SHISAL2B: variants seen among roughly 807,000 people sequenced by gnomAD.
The protein encoded by SHISAL2B is protein shisa-like-2B.
SHISAL2B carries 12 observed loss-of-function variants against 16.5 expected under a neutral mutation model. The ratio of observed to expected loss-of-function variants is 0.73; its 90% CI spans 0.47 to 1.18. The LOEUF (loss-of-function observed/expected upper bound fraction) is 1.18. SHISAL2B is among the 50% of genes most tolerant of loss of function. The probability of loss-of-function intolerance (pLI) is 0.00; values close to 1 mark genes in which losing one functional copy is unlikely to be tolerated. For missense variants in SHISAL2B, 183 were observed against 193.6 expected (o/e 0.95, Z 0.33); for synonymous variants, 72 against 75.0 (o/e 0.96, Z 0.21).
intron 2 of SHISAL2B, among the ~76,000 whole-genome samples, chr5:64,713,552 C>A (rs1448857570): frequency 1.9e-5 from 2 of 106,884 alleles, no homozygotes; most frequent in Non-Finnish European, 3.5e-5. Context: ...ATCTTTGTGG[C>A]ATTCTCTGTA....
intron 1 of SHISAL2B, 46 bp downstream of exon 1, chr5:64,690,860 T>A (rs1487200619): frequency 6.9e-7 from 1 of 1,440,650 alleles, no homozygotes; most frequent in South Asian, 1.4e-5. Flanking sequence ...AGCCCGGGGC[T>A]AGGGAGGCGA....
rs1233426285 is a variant in SHISAL2B, at chr5:64,697,704, T to C, written c.349+2040T>C. ...AGAATATAAATTTAGGATTTATGTATGTATTTAGAATGACACACAAGTGCT... is the reference window on the plus strand; with the variant it reads ...AGAATATAAATTTAGGATTTATGTACGTATTTAGAATGACACACAAGTGCT... On this transcript the variant is annotated intron_variant, in intron 2 of 2. Transcript: ENST00000389074. Among the ~76,000 whole-genome samples, 4 of 152,192 alleles carry C rather than the reference T, an allele frequency of 2.6e-5. No homozygotes were observed. The East Asian group carries it at 7.7e-4, about 29-fold the overall frequency.
At chr5:64,701,722 A>C (rs1443782420) in intron 2 of SHISAL2B, among the ~76,000 whole-genome samples, 1 of 152,220 alleles carries the variant, frequency 6.6e-6, no homozygotes, top group Non-Finnish European at 1.5e-5. Context: ...GAAAAAGGGT[A>C]AGTAAATTAG....
chr5:64,694,931 T>C (rs1741710689), intron 1 of SHISAL2B, among the ~76,000 whole-genome samples: 1 of 152,198 alleles, frequency 6.6e-6, no homozygotes, highest in African/African-American at 2.4e-5. Flanking sequence ...ATGTGACCTT[T>C]AACCTATAAT....
intron 2 of SHISAL2B, among the ~76,000 whole-genome samples, chr5:64,706,802 CTTAAG>C (rs1275920614): frequency 1.3e-5 from 2 of 152,124 alleles, no homozygotes; most frequent in Non-Finnish European, 2.9e-5. Context: ...TCTTCTAAAG[CTTAAG>C]TTGTCTAGCT....
intron 2 of SHISAL2B, among the ~76,000 whole-genome samples, chr5:64,704,568 T>G (rs1489320390): frequency 6.6e-6 from 1 of 152,208 alleles, no homozygotes; most frequent in African/African-American, 2.4e-5. Flanking sequence ...AGGAAAGAAC[T>G]GTGATGTCGA....
At chr5:64,714,655 A>G (rs1742015275) in intron 2 of SHISAL2B, among the ~76,000 whole-genome samples, 1 of 152,064 alleles carries the variant, frequency 6.6e-6, no homozygotes. Flanking sequence ...GCCGCCTTGC[A>G]GTTTGATCTC....
chr5:64,710,064 G>T (rs1306743073), intron 2 of SHISAL2B, among the ~76,000 whole-genome samples: 30 of 147,400 alleles, frequency 2.0e-4, no homozygotes, highest in African/African-American at 3.3e-4. Flanking sequence ...GTCAATTTTG[G>T]CTTTTGTTGC....
chr5:64,716,261 CTAAA>C (rs1460363274), intron 2 of SHISAL2B, among the ~76,000 whole-genome samples: 1 of 152,182 alleles, frequency 6.6e-6, no homozygotes, highest in Non-Finnish European at 1.5e-5. Flanking sequence ...ATTATTTGCT[CTAAA>C]TATTTTTTGC....
rs541216097 is a variant in SHISAL2B, at chr5:64,690,869, G to C, written c.191+55G>C. 5.7e-6 allele frequency: 8 copies of C among 1,414,348 alleles called. No homozygotes were observed. In the Admixed American group the frequency reaches 7.4e-5, roughly 13 times the overall value. The allele number at this position is 1,414,348 out of a possible 1,614,324, so 87.6% of individuals were successfully genotyped here. On this transcript the variant is annotated intron_variant, in intron 1 of 2. Coordinates refer to ENST00000389074, the MANE Select transcript of SHISAL2B (RefSeq NM_001164442.2). ...TGGCCGAGCCCGGGGCTAGGGAGGC[G>C]ACAAGCGGAGCCACGCCAGGGCCAG...
chr5:64,713,095 G>A (rs1182789868), intron 2 of SHISAL2B, among the ~76,000 whole-genome samples: 1 of 144,864 alleles, frequency 6.9e-6, no homozygotes, highest in Non-Finnish European at 1.5e-5. Flanking sequence ...ATGTTAGCTG[G>A]TGATTTTGCT....
rs576944799 is a variant in SHISAL2B, at chr5:64,690,693, T to A, written c.70T>A (p.Cys24Ser). 3.7e-5 allele frequency: 57 copies of A among 1,535,088 alleles called. No individual in the cohort carries two copies. The African/African-American group carries it at 7.4e-4, about 20-fold the overall frequency. ...CCAGAGCTTCGTGGAGCCCTTCCAG[T>A]GCCCCCGGCGCGGCGAGGGGGCAGC... ...LNQSFVEPFQ[C>S]PRRGEGAALQ... The change falls in exon 1 of 3, where the codon TGC (cysteine) becomes AGC (serine). Residue 24 changes from cysteine (C) to serine (S), a missense_variant. Transcript: ENST00000389074.
rs537665537 is a variant in SHISAL2B, at chr5:64,707,000, A to T, written c.350-10889A>T. Among the ~76,000 whole-genome samples, 4 of 152,298 alleles carry T rather than the reference A, an allele frequency of 2.6e-5. 1 individual carries two copies. The South Asian group carries it at 8.3e-4, about 32-fold the overall frequency. ...TGTAGAAAATAATAAAAATTGAAAA[A>T]CATTAGGCAAGACTAGAATCTAATA... On this transcript the variant is annotated intron_variant, in intron 2 of 2. Coordinates refer to ENST00000389074, the MANE Select transcript of SHISAL2B (RefSeq NM_001164442.2).
chr5:64,703,112 A>T (rs1190262408), intron 2 of SHISAL2B, among the ~76,000 whole-genome samples: 4 of 152,244 alleles, frequency 2.6e-5, no homozygotes, highest in African/African-American at 9.6e-5. Flanking sequence ...CCAATCTTAA[A>T]AAGACAAATG....
intron 2 of SHISAL2B, among the ~76,000 whole-genome samples, chr5:64,696,696 A>T (rs1246061947): frequency 6.6e-6 from 1 of 152,114 alleles, no homozygotes; most frequent in Non-Finnish European, 1.5e-5. Flanking sequence ...AGGGTGAGGA[A>T]AAAACCCCAC....
chr5:64,718,031 T>A lies in SHISAL2B; in HGVS notation c.*9T>A. The A allele has an allele frequency of 6.7e-7, 1 of 1,494,988 alleles. No individual in the cohort carries two copies. 92.6% of individuals were successfully genotyped at this position (1,494,988 alleles called of 1,614,324 possible). A position where few individuals can be genotyped will look rare whatever the true frequency, so the allele number is the denominator to read the frequency against. ...TCCACATTGCTTATTAACTAAAAAT[T>A]CTGTGTTTTAAATGCTTACTGGAGA... On this transcript the variant is annotated 3_prime_UTR_variant, in exon 3 of 3. Coordinates refer to ENST00000389074, the MANE Select transcript of SHISAL2B (RefSeq NM_001164442.2).
rs79949481 is a variant in SHISAL2B at position 64,690,707 on chromosome 5, C to G, written c.84C>G (p.Gly28=). The G allele has an allele frequency of 7.0e-3, 10,699 of 1,535,350 alleles. 496 individuals are homozygous for G. The African/African-American group carries it at 0.11, about 16-fold the overall frequency. ...AGCCCTTCCAGTGCCCCCGGCGCGG[C>G]GAGGGGGCAGCGCTCCAGTATTGCT... The part of the protein sequence containing the change: ...FVEPFQCPRR[G]EGAALQYCCG... The change falls in exon 1 of 3, where the codon GGC becomes GGG. Residue 28 remains glycine, a synonymous_variant. Transcript: ENST00000389074.
intron 2 of SHISAL2B, among the ~76,000 whole-genome samples, chr5:64,700,106 C>T (rs1355041474): frequency 6.6e-6 from 1 of 152,084 alleles, no homozygotes; most frequent in African/African-American, 2.4e-5. Flanking sequence ...CTGTACAGGA[C>T]GTACAAAGAA....
chr5:64,706,862 A>T (rs532765631), intron 2 of SHISAL2B, among the ~76,000 whole-genome samples: 1 of 152,310 alleles, frequency 6.6e-6, no homozygotes, highest in East Asian at 1.9e-4. Flanking sequence ...GTTTTCAGTG[A>T]TTTCAACGTA....
Sources: allele counts gnomAD v4.1 joint callset (sites outside exome capture counted in the v4.1 genomes callset), GRCh38; gene constraint gnomAD v4.1.1; transcripts MANE v1.5; gene names NCBI Gene and HGNC (gene_info 2026-07-23, HGNC 2026-07-21).